Variants in SLC25A48 observed in about 807,000 individuals in gnomAD.
SLC25A48 encodes CTC-321K16.1.
Under a neutral mutation model 32.2 loss-of-function variants are expected in SLC25A48, and 29 were observed. The ratio of observed to expected loss-of-function variants is 0.90; its 90% CI spans 0.67 to 1.23. SLC25A48 has a LOEUF of 1.23. Ranked by LOEUF, SLC25A48 falls within the 50% of genes most tolerant of loss-of-function variation. The pLI, the probability that SLC25A48 is intolerant of heterozygous loss-of-function variation, is 0.00. For synonymous variants in SLC25A48, 164 were observed against 172.3 expected (o/e 0.95, Z 0.38); for missense variants, 399 against 422.7 (o/e 0.94, Z 0.49).
chr5:135,822,711 C>T (rs1757923721), intron 4 of SLC25A48, among the ~76,000 whole-genome samples: 1 of 152,238 alleles, frequency 6.6e-6, no homozygotes, highest in Non-Finnish European at 1.5e-5. Flanking sequence ...GGGCTTAAGA[C>T]TTGAACATGT....
chr5:135,872,424 C>G (rs1377282546), intron 5 of SLC25A48: 1 of 152,488 alleles, frequency 6.6e-6, no homozygotes, highest in Non-Finnish European at 1.5e-5. Context: ...CTTGACCATG[C>G]CTGGCCCTTC....
chr5:135,852,423 C>A (rs1759948184), intron 3 of SLC25A48, 140 bp from the exon 4 acceptor site: 1 of 1,055,786 alleles, frequency 9.5e-7, no homozygotes, highest in Non-Finnish European at 1.4e-6. Context: ...CACCCCCTAC[C>A]TCCTGTCGCA....
chr5:135,685,412 G>A (rs1753999151), intron 3 of SLC25A48, among the ~76,000 whole-genome samples: 1 of 148,782 alleles, frequency 6.7e-6, no homozygotes. Flanking sequence ...GGGAGAAGAA[G>A]CTGTTTTAGA....
intron 1 of SLC25A48, among the ~76,000 whole-genome samples, chr5:135,606,722 G>A (rs953357246): frequency 6.6e-6 from 1 of 152,200 alleles, no homozygotes; most frequent in East Asian, 1.9e-4. Flanking sequence ...AAACTTGCCA[G>A]CAAGGGAGTT....
chr5:135,783,059 G>A (rs1756755660), intron 3 of SLC25A48, among the ~76,000 whole-genome samples: 1 of 116,424 alleles, frequency 8.6e-6, no homozygotes, highest in African/African-American at 2.6e-5. Flanking sequence ...TTCAAGGTGG[G>A]GAGAGGATGA....
chr5:135,752,824 ATCT>A (rs1259360310), intron 3 of SLC25A48, among the ~76,000 whole-genome samples: 2 of 152,020 alleles, frequency 1.3e-5, no homozygotes, highest in Non-Finnish European at 2.9e-5. Context: ...GATATGAGTA[ATCT>A]TCTATGATAT....
chr5:135,733,126 G>A lies in SLC25A48; in HGVS notation c.-520-79397G>A, dbSNP rs114894436. ...TGACACATAGTCCTTTTGCAAGGGC[G>A]AGGGCTCGAGTTAAGGCAATGAGTT... On this transcript the variant is annotated intron_variant, in intron 3 of 10. Coordinates refer to the SLC25A48 transcript ENST00000646290. Among the ~76,000 whole-genome samples, 311 of 152,284 alleles carry A rather than the reference G, an allele frequency of 2.0e-3. 1 individual carries two copies. The highest frequency in any genetic ancestry group is 6.7e-3 in the African/African-American group (278 of 41,554).
chr5:135,769,185 T>C (rs886514932), intron 3 of SLC25A48, among the ~76,000 whole-genome samples: 16 of 135,604 alleles, frequency 1.2e-4, no homozygotes, highest in African/African-American at 3.8e-4. Context: ...TCATAATATT[T>C]ATGGGGGGAA....
At chr5:135,872,010 A>G in intron 5 of SLC25A48, 1 of 1,300,034 alleles carries the variant, frequency 7.7e-7, no homozygotes, top group Non-Finnish European at 9.8e-7. Context: ...GAAATCCATT[A>G]TCATGGTTCA....
intron 3 of SLC25A48, among the ~76,000 whole-genome samples, chr5:135,670,158 GC>G (rs1753621514): frequency 6.6e-6 from 1 of 152,134 alleles, no homozygotes; most frequent in African/African-American, 2.4e-5. Context: ...TTGAGTCTTA[GC>G]TTTGCCACTT....
At chr5:135,631,719 GC>G (rs919901572) in intron 2 of SLC25A48, among the ~76,000 whole-genome samples, 1 of 152,208 alleles carries the variant, frequency 6.6e-6, no homozygotes, top group African/African-American at 2.4e-5. Flanking sequence ...GTGGAACAGG[GC>G]TACTCCAGAG....
intron 1 of SLC25A48, chr5:135,609,279 A>G (rs955936560): frequency 6.6e-6 from 1 of 152,250 alleles, no homozygotes; most frequent in Non-Finnish European, 1.5e-5. Flanking sequence ...CACTGAGTAT[A>G]CACTGAGCAC....
intron 4 of SLC25A48, among the ~76,000 whole-genome samples, chr5:135,867,833 A>G (rs921757996): frequency 3.3e-5 from 5 of 152,322 alleles, no homozygotes; most frequent in Non-Finnish European, 7.3e-5. Context: ...AATATGAATC[A>G]TCCATACCAC....
At chr5:135,592,761 G>A (rs993936535) in intron 1 of SLC25A48, among the ~76,000 whole-genome samples, 1 of 152,146 alleles carries the variant, frequency 6.6e-6, no homozygotes, top group Non-Finnish European at 1.5e-5. Flanking sequence ...AAGTGAGGGC[G>A]CTGGGAACTT....
intron 3 of SLC25A48, among the ~76,000 whole-genome samples, chr5:135,777,969 A>G (rs917784233): frequency 1.2e-4 from 18 of 151,822 alleles, no homozygotes; most frequent in African/African-American, 4.1e-4. Context: ...TATTACTGCC[A>G]ATATCGCAAA....
At chr5:135,608,453 GA>G (rs1751990508) in intron 1 of SLC25A48, among the ~76,000 whole-genome samples, 1 of 152,188 alleles carries the variant, frequency 6.6e-6, no homozygotes, top group African/African-American at 2.4e-5. Context: ...TTCTCTCCAT[GA>G]GCAATGACTC....
rs145481143 is a variant in SLC25A48 at position 135,813,851 on chromosome 5, A to G, written c.-117+925A>G. Reference sequence around the variant, plus strand: ...CTGCGCTGAGTGCAGGCGCTCAGGAACAAAGGCACTTGATGTGCCCCACAG... The same window carrying G: ...CTGCGCTGAGTGCAGGCGCTCAGGAGCAAAGGCACTTGATGTGCCCCACAG... On this transcript the variant is annotated intron_variant, in intron 4 of 10. Coordinates refer to the SLC25A48 transcript ENST00000646290. 2.0e-5 allele frequency among the ~76,000 whole-genome samples: 3 copies of G among 152,188 alleles called. No individual in the cohort carries two copies. In the East Asian group the frequency reaches 5.8e-4, roughly 29 times the overall value.
chr5:135,830,194 G>A (rs1758166392), upstream of SLC25A48, among the ~76,000 whole-genome samples: 1 of 152,170 alleles, frequency 6.6e-6, no homozygotes, highest in South Asian at 2.1e-4. Context: ...CCAGTGCCAG[G>A]CAAACCGGGC....
chr5:135,595,908 G>A lies in SLC25A48; in HGVS notation c.-849+16311G>A, dbSNP rs35405648. 8.1e-4 allele frequency among the ~76,000 whole-genome samples: 123 copies of A among 152,258 alleles called. 1 individual carries two copies. The highest frequency in any genetic ancestry group is 1.6e-3 in the Admixed American group (24 of 15,298). ...TCAGTATAAGGCCCCTAGCAGGCAC[G>A]ATCACAAGCACGATGACTAAATGAT... On this transcript the variant is annotated intron_variant, in intron 1 of 10. Transcript: ENST00000646290.
Sources: allele counts gnomAD v4.1 joint callset (sites outside exome capture counted in the v4.1 genomes callset), GRCh38; gene constraint gnomAD v4.1.1; transcripts MANE v1.5; gene names NCBI Gene and HGNC (gene_info 2026-07-23, HGNC 2026-07-21).